The following ZC3H7B variants were observed in gnomAD, a reference collection of about 807,000 sequenced individuals.
ZC3H7B encodes the protein zinc finger CCCH-type containing 7B.
Under a neutral mutation model 116.0 loss-of-function variants are expected in ZC3H7B, and 35 were observed. The ratio of observed to expected loss-of-function variants is 0.30; its 90% CI spans 0.23 to 0.40. The LOEUF is 0.40. Ranked by LOEUF, ZC3H7B falls within the 10% of genes least tolerant of loss-of-function variation. The pLI is 1.00. For synonymous variants in ZC3H7B, 502 were observed against 545.6 expected, an observed-to-expected ratio of 0.92 and a Z score of 1.11; for missense variants, 1,011 against 1,321.5, an observed-to-expected ratio of 0.77 and a Z score of 3.64.
At chr22:41,354,721 T>G (rs1171343106) in intron 17 of ZC3H7B, among the ~76,000 whole-genome samples, 1 of 152,016 alleles carries the variant, frequency 6.6e-6, no homozygotes, top group East Asian at 1.9e-4. Flanking sequence ...GAGTGAGCAT[T>G]TTTCCTACCT....
Position 41,345,941 on chromosome 22 carries a change from CG to C in ZC3H7B, c.1460-61del, listed in dbSNP as rs1442215979. ...AGCCCCACAGGCCGCAGCGGGGTGGCGAGGGTGCTGCGGGCTGCTATCCCCG... is the reference window on the plus strand; with the variant it reads ...AGCCCCACAGGCCGCAGCGGGGTGGCAGGGTGCTGCGGGCTGCTATCCCCG... On this transcript the variant is annotated intron_variant, in intron 13 of 22. Transcript: ENST00000352645. 3.2e-6 allele frequency: 5 copies of C among 1,570,048 alleles called. No individual in the cohort carries two copies. The East Asian group carries it at 9.0e-5, about 28-fold the overall frequency.
chr22:41,329,474 G>T (rs934698399), intron 5 of ZC3H7B, among the ~76,000 whole-genome samples: 6 of 151,930 alleles, frequency 3.9e-5, no homozygotes, highest in Non-Finnish European at 8.8e-5. Context: ...GGCCAGGCTG[G>T]TCTTGAACTC....
intron 13 of ZC3H7B, among the ~76,000 whole-genome samples, chr22:41,344,705 G>A (rs1452573547): frequency 6.6e-6 from 1 of 152,174 alleles, no homozygotes; most frequent in Non-Finnish European, 1.5e-5. Context: ...AGTGGGAGGA[G>A]GAGAAAGAAA....
intron 14 of ZC3H7B, among the ~76,000 whole-genome samples, chr22:41,347,370 G>T (rs1219444709): frequency 6.6e-6 from 1 of 152,226 alleles, no homozygotes; most frequent in Non-Finnish European, 1.5e-5. Flanking sequence ...GCGCTTCCCT[G>T]CCTGGGTTTG....
Position 41,343,543 on chromosome 22 carries a change from A to G in ZC3H7B, c.1426A>G (p.Thr476Ala). The G allele has an allele frequency of 6.2e-7, 1 of 1,611,816 alleles. No individual in the cohort carries two copies. The highest frequency in any genetic ancestry group is 8.5e-7 in the Non-Finnish European group (1 of 1,178,816). ...GCGGATCCGGCCCCGGCCCACTAAG[A>G]CCAGCTTCGTGGGCTCCTACTACCT... The part of the protein sequence containing the change: ...WKRIRPRPTK[T>A]SFVGSYYLCK... The change falls in exon 13 of 23, where the codon ACC becomes GCC. Residue 476 changes from threonine to alanine, a missense_variant. Transcript: ENST00000352645.
At chr22:41,336,849 A>T (rs1442198305) in intron 7 of ZC3H7B, 1 of 152,124 alleles carries the variant, frequency 6.6e-6, no homozygotes, top group East Asian at 1.9e-4. Flanking sequence ...ATCTCAAAAA[A>T]AAAAAGTTGG....
In ZC3H7B at chr22:41,338,950, C is replaced by A; in HGVS notation, c.626-51C>A. 6.8e-7 allele frequency: 1 copy of A among 1,481,372 alleles called. No homozygotes were observed. The highest frequency in any genetic ancestry group is 1.4e-5 in the South Asian group (1 of 70,696). The allele number at this position is 1,481,372 out of a possible 1,614,324, so 91.8% of individuals were successfully genotyped here. On this transcript the variant is annotated intron_variant, in intron 8 of 22. Coordinates refer to ENST00000352645, the MANE Select transcript of ZC3H7B (RefSeq NM_017590.6). This position sits in a 1 kb window ranked among gnomAD's most constrained non-coding sequence, Gnocchi z 4.5. ...ATCACGGGGCCCGGGACGCCTCCTCCACCCTCACCAAGCAGTGCTCCCCTT... is the reference window on the plus strand; with the variant it reads ...ATCACGGGGCCCGGGACGCCTCCTCAACCCTCACCAAGCAGTGCTCCCCTT...
rs117704403 is a variant in ZC3H7B, at chr22:41,347,288, C to T, written c.1666-779C>T. 9.3e-4 allele frequency among the ~76,000 whole-genome samples: 142 copies of T among 152,376 alleles called. 1 individual carries two copies. In the East Asian group the frequency reaches 0.024, roughly 26 times the overall value. Reference sequence around the variant, plus strand: ...GGCACTGCTTAGCCGTCCCAAGCGCCGTGTCCACGGCCCCACGTCTCAGGC... The same window carrying T: ...GGCACTGCTTAGCCGTCCCAAGCGCTGTGTCCACGGCCCCACGTCTCAGGC... On this transcript the variant is annotated intron_variant, in intron 14 of 22. Transcript: ENST00000352645.
chr22:41,322,626 A>G (rs890872633), intron 2 of ZC3H7B, among the ~76,000 whole-genome samples: 3 of 152,084 alleles, frequency 2.0e-5, no homozygotes, highest in Non-Finnish European at 4.4e-5. Context: ...GTGGCCTCTC[A>G]CTTGCACGAG....
chr22:41,337,653 G>C (rs547118301), intron 7 of ZC3H7B, among the ~76,000 whole-genome samples: 85 of 152,274 alleles, frequency 5.6e-4, no homozygotes, highest in Non-Finnish European at 9.7e-4. Context: ...GTGGTGCTGT[G>C]GGGGGAGGCT....
chr22:41,321,551 ATGT>A (rs935343682), intron 2 of ZC3H7B, among the ~76,000 whole-genome samples: 1 of 149,236 alleles, frequency 6.7e-6, no homozygotes. Flanking sequence ...AGGTCTTGCT[ATGT>A]TGCCCAGGCT....
At position 41,349,888 on chromosome 22, in the gene ZC3H7B, C is replaced by G. The variant is rs2145939568; in HGVS notation, c.1948+587C>G. Reference sequence around the variant, plus strand: ...GAATAAATCCTGTATTCCATCCATTCTAGGATGCACATTTACCCCTACTGC... The same window carrying G: ...GAATAAATCCTGTATTCCATCCATTGTAGGATGCACATTTACCCCTACTGC... On this transcript the variant is annotated intron_variant, in intron 16 of 22. Coordinates refer to ENST00000352645, the MANE Select transcript of ZC3H7B (RefSeq NM_017590.6). The surrounding 1 kb of genome is among the most constrained non-coding windows in gnomAD (Gnocchi z 4.9). Among the ~76,000 whole-genome samples the G allele has an allele frequency of 6.6e-6, 1 of 152,310 alleles. No homozygotes were observed. The highest frequency in any genetic ancestry group is 2.1e-4 in the South Asian group (1 of 4,830).
rs559028846 is a variant in ZC3H7B, at chr22:41,322,904, T to C, written c.53+2191T>C. 4.6e-5 allele frequency among the ~76,000 whole-genome samples: 7 copies of C among 152,304 alleles called. No individual in the cohort carries two copies. The South Asian group carries it at 1.5e-3, about 32-fold the overall frequency. ...ACCTCAGCCTCCCACGTAGCTGGGA[T>C]TGCAGGCGCGTGCTGCTGTGCCCAG... On this transcript the variant is annotated intron_variant, in intron 2 of 22. Transcript: ENST00000352645.
chr22:41,329,973 T>C (rs773108715), intron 5 of ZC3H7B, 50 bp from the exon 6 acceptor site: 1 of 1,597,736 alleles, frequency 6.3e-7, no homozygotes, highest in South Asian at 1.1e-5. Context: ...GAGCACAGCT[T>C]TGTGAGCCCG....
At chr22:41,319,714 C>G (rs1209298699) in intron 1 of ZC3H7B, among the ~76,000 whole-genome samples, 3 of 152,000 alleles carry the variant, frequency 2.0e-5, no homozygotes, top group Non-Finnish European at 4.4e-5. Context: ...TGCCTCTCCA[C>G]TAGAACATAT....
chr22:41,324,945 TCTC>T (rs1465854939), intron 2 of ZC3H7B, among the ~76,000 whole-genome samples: 20 of 152,160 alleles, frequency 1.3e-4, no homozygotes, highest in Admixed American at 1.3e-3. Context: ...TGCACCATCC[TCTC>T]CTCCTGGCCT....
At chr22:41,312,093 C>A (rs1473335825) in intron 1 of ZC3H7B, among the ~76,000 whole-genome samples, 1 of 148,426 alleles carries the variant, frequency 6.7e-6, no homozygotes, top group East Asian at 2.0e-4. Context: ...GGAGGCGGAG[C>A]TTGCAGTGAG....
intron 20 of ZC3H7B, 31 bp downstream of exon 20, chr22:41,356,093 C>T (rs1158096062): frequency 2.6e-6 from 4 of 1,532,552 alleles, no homozygotes; most frequent in Non-Finnish European, 3.5e-6. Context: ...GGCGGGCCCT[C>T]CCCCGGTGTC....
chr22:41,309,693 G>C (rs556260330), intron 1 of ZC3H7B, among the ~76,000 whole-genome samples: 1 of 152,160 alleles, frequency 6.6e-6, no homozygotes, highest in African/African-American at 2.4e-5. Flanking sequence ...TTTACTTGTC[G>C]TGTGCATTTC....
Sources: allele counts gnomAD v4.1 joint callset (sites outside exome capture counted in the v4.1 genomes callset), GRCh38; gene constraint gnomAD v4.1.1; non-coding constraint Gnocchi (gnomAD v3.1); transcripts MANE v1.5; gene names NCBI Gene and HGNC (gene_info 2026-07-23, HGNC 2026-07-21).